The following OPN5 variants were observed in gnomAD, a reference collection of about 807,000 sequenced individuals.
OPN5 encodes the protein opsin-5.
A neutral mutation model predicts 41.7 loss-of-function variants in OPN5; 18 were observed. The ratio of observed to expected loss-of-function variants is 0.43; its 90% confidence interval spans 0.30 to 0.64. OPN5 has a LOEUF of 0.64. OPN5 is among the 30% of genes least tolerant of loss of function. The pLI is 0.13. For missense variants in OPN5, 318 were observed against 434.5 expected, an observed-to-expected ratio of 0.73 and a Z score of 2.38; for synonymous variants, 178 against 164.3, an observed-to-expected ratio of 1.08 and a Z score of -0.64.
At chr6:47,786,908 T>C (rs750206456) in intron 2 of OPN5, among the ~76,000 whole-genome samples, 3 of 152,234 alleles carry the variant, frequency 2.0e-5, no homozygotes, top group Non-Finnish European at 4.4e-5. Flanking sequence ...ACCTCAGATG[T>C]CTCAAAGTGT....
chr6:47,797,774 A>G (rs550451394), intron 4 of OPN5, among the ~76,000 whole-genome samples: 1 of 152,294 alleles, frequency 6.6e-6, no homozygotes, highest in East Asian at 1.9e-4. Flanking sequence ...TGCTCAATAA[A>G]TCTGGGTCCT....
intron 1 of OPN5, 104 bp from the exon 2 acceptor site, chr6:47,786,411 C>G: frequency 1.2e-6 from 1 of 854,184 alleles, no homozygotes. Flanking sequence ...CTCTCACTAC[C>G]CTCTAAATCT....
intron 3 of OPN5, 59 bp from the exon 4 acceptor site, chr6:47,795,170 G>T: frequency 2.4e-6 from 3 of 1,232,840 alleles, no homozygotes; most frequent in South Asian, 1.5e-5. Context: ...ACATATCGAG[G>T]GGAGGTATCT....
chr6:47,812,642 C>G (rs1233072851), intron 6 of OPN5, among the ~76,000 whole-genome samples: 1 of 152,126 alleles, frequency 6.6e-6, no homozygotes, highest in Non-Finnish European at 1.5e-5. Flanking sequence ...AATAGGTTTT[C>G]TACTCATTGT....
intron 4 of OPN5, among the ~76,000 whole-genome samples, chr6:47,795,780 A>T (rs9473178): frequency 0.088 from 2,618 of 29,888 alleles, 64 homozygotes; most frequent in African/African-American, 0.22. Flanking sequence ...TCTCTCTCTC[A>T]CACACACACA....
exon 6 of OPN5, chr6:47,811,677 G>T: frequency 1.9e-6 from 3 of 1,610,522 alleles, no homozygotes; most frequent in Non-Finnish European, 2.5e-6. Flanking sequence ...TATCTAGGCT[G>T]CACACCGTAA....
chr6:47,793,841 T>A (rs757794575), intron 3 of OPN5: 1 of 848,156 alleles, frequency 1.2e-6, no homozygotes, highest in Non-Finnish European at 1.4e-6. Flanking sequence ...CACATTCCCA[T>A]GAATATATGT....
chr6:47,804,083 G>A (rs1385499434), intron 4 of OPN5, among the ~76,000 whole-genome samples: 1 of 152,170 alleles, frequency 6.6e-6, no homozygotes, highest in Non-Finnish European at 1.5e-5. Context: ...GGACAACACT[G>A]CTTTTGTGAC....
At chr6:47,826,096 A>T (rs1474649222), downstream of OPN5, 1 of 152,100 alleles carries the variant, frequency 6.6e-6, no homozygotes, top group Non-Finnish European at 1.5e-5. Context: ...TTTTAATGGA[A>T]TTTTTTGAAC....
At chr6:47,811,731 G>A in exon 6 of OPN5, 2 of 1,608,162 alleles carry the variant, frequency 1.2e-6, no homozygotes, top group Non-Finnish European at 8.5e-7. Flanking sequence ...TTCATGAAGA[G>A]GTATGAAGAT....
chr6:47,792,650 G>A (rs539391618), intron 3 of OPN5, among the ~76,000 whole-genome samples: 11 of 152,108 alleles, frequency 7.2e-5, no homozygotes, highest in East Asian at 1.9e-4. Flanking sequence ...TGGAGCTCTC[G>A]GAATTTATCA....
chr6:47,809,947 C>A (rs775090751), intron 5 of OPN5, among the ~76,000 whole-genome samples: 2 of 152,246 alleles, frequency 1.3e-5, no homozygotes, highest in East Asian at 3.9e-4. Flanking sequence ...TCACGTGCCT[C>A]GTAATTTTGC....
At chr6:47,786,443 G>A in intron 1 of OPN5, 72 bp from the exon 2 acceptor site, 1 of 1,293,794 alleles carries the variant, frequency 7.7e-7, no homozygotes, top group South Asian at 1.3e-5. Context: ...TTTTGAAGTT[G>A]AGAAGTGTTT....
At chr6:47,786,091 C>A (rs1773181887) in intron 1 of OPN5, among the ~76,000 whole-genome samples, 1 of 152,330 alleles carries the variant, frequency 6.6e-6, no homozygotes, top group Non-Finnish European at 1.5e-5. Context: ...ACTGAAGGCA[C>A]CTTCTTTGGT....
chr6:47,810,833 A>G (rs548061827), intron 5 of OPN5, among the ~76,000 whole-genome samples: 4 of 152,224 alleles, frequency 2.6e-5, no homozygotes, highest in South Asian at 2.1e-4. Flanking sequence ...AGTCTCCCAT[A>G]TTTTGTAAAC....
At chr6:47,813,057 C>T (rs530135981) in intron 6 of OPN5, among the ~76,000 whole-genome samples, 10 of 147,372 alleles carry the variant, frequency 6.8e-5, no homozygotes, top group African/African-American at 1.8e-4. Context: ...GGAAAACATG[C>T]TCTATGATTA....
intron 3 of OPN5, among the ~76,000 whole-genome samples, chr6:47,792,461 G>A (rs1046486696): frequency 1.3e-5 from 2 of 152,282 alleles, no homozygotes; most frequent in Admixed American, 6.5e-5. Flanking sequence ...TGCATGAAAG[G>A]ACACACATGT....
chr6:47,818,393 A>G (rs1477930081), intron 6 of OPN5, among the ~76,000 whole-genome samples: 1 of 152,202 alleles, frequency 6.6e-6, no homozygotes, highest in East Asian at 1.9e-4. Context: ...GAATAATAGC[A>G]CTGAAGCAGC....
Position 47,796,185 on chromosome 6 carries a change from C to T in OPN5, c.756+622C>T, listed in dbSNP as rs187758617. On this transcript the variant is annotated intron_variant, in intron 4 of 6. Transcript: ENST00000371211. The stretch of plus-strand genomic sequence containing the variant: ...GTTTAATCCCATCACCAGTACCTGC[C>T]AAGTTTGTGACCTAGAACTAGATAT... Among the ~76,000 whole-genome samples, 341 of 152,294 alleles carry T rather than the reference C, an allele frequency of 2.2e-3. 2 individuals carry two copies. The highest frequency in any genetic ancestry group is 7.6e-3 in the African/African-American group (315 of 41,564).
Sources: allele counts gnomAD v4.1 joint callset (sites outside exome capture counted in the v4.1 genomes callset), GRCh38; gene constraint gnomAD v4.1.1; transcripts MANE v1.5; gene names NCBI Gene and HGNC (gene_info 2026-07-23, HGNC 2026-07-21).